The following ENDOV variants were observed in gnomAD, a reference collection of about 807,000 sequenced individuals.
The protein encoded by ENDOV is endonuclease V, also known as hEndoV.
In ENDOV, 37 loss-of-function variants were observed where a neutral mutation model predicts 39.4. That is an observed-to-expected ratio of 0.94 (90% confidence interval 0.72 to 1.23). The LOEUF is 1.23. Among genes scored for constraint, ENDOV ranks in the 50% most tolerant of loss-of-function variants. The pLI is 0.00. For synonymous variants in ENDOV, 186 were observed against 163.4 expected (o/e 1.14, Z -1.05); for missense variants, 441 against 375.7 (o/e 1.17, Z -1.44).
intron 7 of ENDOV, chr17:80,427,321 C>A: frequency 4.7e-6 from 3 of 633,946 alleles, no homozygotes; most frequent in Non-Finnish European, 5.9e-6. Context: ...GGTCGTGCTG[C>A]TGCTGCAGAC....
At chr17:80,427,408 G>A (rs2082838977) in intron 7 of ENDOV, 4 of 985,106 alleles carry the variant, frequency 4.1e-6, no homozygotes, top group African/African-American at 1.7e-5. Flanking sequence ...ATCCTTGCAA[G>A]GGAGGGGACA....
Position 80,415,170 on chromosome 17 carries a change from C to T in ENDOV, c.-25C>T, listed in dbSNP as rs770622803. ...GCGAGTCGCTTCCGGAAGTGACGTG[C>T]GGAAGGGGTGCCCGGGACGAAGCCA... On this transcript the variant is annotated 5_prime_UTR_variant, in exon 1 of 10. Coordinates refer to ENST00000518137, the MANE Select transcript of ENDOV (RefSeq NM_173627.5). 2.7e-5 allele frequency: 44 copies of T among 1,611,642 alleles called. No homozygotes were observed. The highest frequency in any genetic ancestry group is 3.5e-5 in the Non-Finnish European group (41 of 1,179,102).
intron 7 of ENDOV, among the ~76,000 whole-genome samples, chr17:80,426,914 C>T (rs569646340): frequency 2.2e-4 from 33 of 152,360 alleles, no homozygotes; most frequent in Non-Finnish European, 3.8e-4. Context: ...CCCTGAGCCT[C>T]CCTGGTGTCT....
chr17:80,419,553 G>T (rs978609333), intron 2 of ENDOV: 1 of 702,370 alleles, frequency 1.4e-6, no homozygotes, highest in South Asian at 1.5e-5. Context: ...GCAGGGAGCT[G>T]ACTCCTACTT....
In ENDOV at chr17:80,436,212, C is replaced by T. The variant is rs775030085; in HGVS notation, c.*69C>T. 4.9e-5 allele frequency: 77 copies of T among 1,576,296 alleles called. No individual in the cohort carries two copies. The highest frequency in any genetic ancestry group is 3.3e-4 in the African/African-American group (24 of 72,154). ...ACGCGGTGGTGAGAGCACACGTCCT[C>T]GTCTCGTTCCTGATCGAACGCGGTG... On this transcript the variant is annotated 3_prime_UTR_variant, in exon 10 of 10. Transcript: ENST00000518137.
chr17:80,417,584 C>T (rs192462382), intron 2 of ENDOV: 98 of 152,362 alleles, frequency 6.4e-4, no homozygotes, highest in African/African-American at 2.0e-3. Flanking sequence ...GCTTCTTAAC[C>T]GTGTTCTCAC....
chr17:80,416,735 C>T (rs551372850), intron 2 of ENDOV, among the ~76,000 whole-genome samples: 6 of 142,914 alleles, frequency 4.2e-5, no homozygotes, highest in Admixed American at 2.8e-4. Flanking sequence ...TTCCTTCCTC[C>T]CTTCCTTCCT....
In ENDOV at chr17:80,421,934, G is replaced by C. The variant is rs34933300; in HGVS notation, c.335G>C (p.Arg112Pro). 3 of 1,610,180 alleles carry C rather than the reference G, an allele frequency of 1.9e-6. No homozygotes were observed. Among genetic ancestry groups the C allele is most frequent in the Non-Finnish European group, 2.5e-6 (3 of 1,179,346 alleles). Reference sequence around the variant, plus strand: ...TTGCTGGAGCTGGTGCAGCAGCTGCGGGAGAAGGAGCCGGGCCTCATGCCC... The same window carrying C: ...TTGCTGGAGCTGGTGCAGCAGCTGCCGGAGAAGGAGCCGGGCCTCATGCCC... ...PFLLELVQQLREKEPGLMPQV... is the reference protein window; with the variant it reads ...PFLLELVQQLPEKEPGLMPQV... Residue 112 changes from arginine to proline, a missense_variant, in exon 3 of 10, where the codon CGG becomes CCG. Arg to Pro is a moderately radical substitution (Grantham distance 103, BLOSUM62 -2). Coordinates refer to ENST00000518137, the MANE Select transcript of ENDOV (RefSeq NM_173627.5).
intron 7 of ENDOV, among the ~76,000 whole-genome samples, chr17:80,426,462 A>G (rs1454780826): frequency 1.3e-5 from 2 of 151,862 alleles, no homozygotes; most frequent in African/African-American, 4.8e-5. Flanking sequence ...CGCCCTAGGC[A>G]ACATAGACCC....
chr17:80,420,965 C>T (rs2081930755), intron 2 of ENDOV, among the ~76,000 whole-genome samples: 1 of 152,134 alleles, frequency 6.6e-6, no homozygotes, highest in Non-Finnish European at 1.5e-5. Context: ...CGTGAGCCAC[C>T]ACGCCTGGCC....
At chr17:80,419,501 T>C in intron 2 of ENDOV, 1 of 683,022 alleles carries the variant, frequency 1.5e-6, no homozygotes, top group South Asian at 1.5e-5. Context: ...GTGGAGCCTG[T>C]TGTGTGCTGG....
intron 2 of ENDOV, among the ~76,000 whole-genome samples, chr17:80,416,430 C>T (rs1340915524): frequency 6.6e-6 from 1 of 152,104 alleles, no homozygotes; most frequent in South Asian, 2.1e-4. Flanking sequence ...CTGCATCCTC[C>T]TGGGCCCCTC....
At chr17:80,415,604 G>A in intron 1 of ENDOV, 46 bp from the exon 2 acceptor site, 1 of 1,594,680 alleles carries the variant, frequency 6.3e-7, no homozygotes, top group South Asian at 1.1e-5. Context: ...AGGAGGCAGA[G>A]TCTGAGGTGT....
chr17:80,428,137 C>T (rs1362677003), intron 7 of ENDOV, among the ~76,000 whole-genome samples: 1 of 152,230 alleles, frequency 6.6e-6, no homozygotes, highest in Non-Finnish European at 1.5e-5. Context: ...GGAGACGGGA[C>T]AGGGGTTACT....
intron 2 of ENDOV, 120 bp downstream of exon 2, chr17:80,415,941 A>G (rs1049421411): frequency 1.5e-6 from 2 of 1,331,400 alleles, no homozygotes; most frequent in African/African-American, 1.5e-5. Context: ...GATGTCATTA[A>G]TAGTCTGGGG....
chr17:80,430,564 C>A (rs948523042), intron 9 of ENDOV, among the ~76,000 whole-genome samples: 1 of 152,178 alleles, frequency 6.6e-6, no homozygotes, highest in Non-Finnish European at 1.5e-5. Flanking sequence ...GACCCCTGAC[C>A]CCAGTCCTGG....
intron 7 of ENDOV, chr17:80,427,398 A>G: frequency 1.0e-6 from 1 of 983,466 alleles, no homozygotes; most frequent in African/African-American, 1.7e-5. Flanking sequence ...ACAGTGGCCC[A>G]TCCTTGCAAG....
At chr17:80,431,580 G>GGTGTTCC (rs2083331800) in intron 9 of ENDOV, among the ~76,000 whole-genome samples, 1 of 152,224 alleles carries the variant, frequency 6.6e-6, no homozygotes, top group Admixed American at 6.5e-5. Flanking sequence ...GGAACCAGAT[G>GGTGTTCC]AGCAGTGTGG....
intron 7 of ENDOV, among the ~76,000 whole-genome samples, chr17:80,427,269 C>T (rs1193745183): frequency 6.6e-6 from 1 of 152,242 alleles, no homozygotes; most frequent in African/African-American, 2.4e-5. Flanking sequence ...CGAGAGAGAA[C>T]CCAAGAAACT....
Sources: gnomAD v4.1 joint callset for allele counts (sites outside exome capture counted in the v4.1 genomes callset) on GRCh38, gnomAD v4.1.1 for gene constraint, MANE v1.5 for transcripts, NCBI Gene and HGNC (gene_info 2026-07-23, HGNC 2026-07-21) for gene names.